ARB2A: variants seen among roughly 807,000 people sequenced by gnomAD.
The protein encoded by ARB2A is cotranscriptional regulator ARB2A.
the ARB2A span, among the ~76,000 whole-genome samples, chr5:94,047,056 C>T: frequency 2.0e-5 from 3 of 152,178 alleles, no homozygotes; most frequent in East Asian, 3.8e-4. Context: ...GACTTTCTCT[C>T]TCCAATTCCT....
the ARB2A span, among the ~76,000 whole-genome samples, chr5:93,946,259 G>T: frequency 6.6e-6 from 1 of 151,972 alleles, no homozygotes; most frequent in African/African-American, 2.4e-5. Flanking sequence ...TGAAACCCAG[G>T]ATAATACACA....
At chr5:93,722,369 A>C in the ARB2A span, among the ~76,000 whole-genome samples, 1 of 152,062 alleles carries the variant, frequency 6.6e-6, no homozygotes, top group Admixed American at 6.6e-5. Flanking sequence ...ACCTACTCCA[A>C]CTTACTTTAT....
the ARB2A span, among the ~76,000 whole-genome samples, chr5:93,906,514 C>A: frequency 6.6e-6 from 1 of 151,304 alleles, no homozygotes; most frequent in African/African-American, 2.4e-5. Flanking sequence ...AAATGTACAG[C>A]AATTTGTAAA....
chr5:93,662,539 T>C, the ARB2A span, among the ~76,000 whole-genome samples: 1 of 152,194 alleles, frequency 6.6e-6, no homozygotes, highest in Non-Finnish European at 1.5e-5. Flanking sequence ...GTATGCTATA[T>C]ACCATACACA....
the ARB2A span, among the ~76,000 whole-genome samples, chr5:93,653,292 A>G: frequency 6.6e-6 from 1 of 151,694 alleles, no homozygotes; most frequent in African/African-American, 2.4e-5. Context: ...GTGGATCACG[A>G]GGTCAGGAGG....
the ARB2A span, among the ~76,000 whole-genome samples, chr5:93,898,358 C>G: frequency 6.6e-6 from 1 of 151,862 alleles, no homozygotes; most frequent in African/African-American, 2.4e-5. Context: ...TTTCCATTAC[C>G]CATAGCACAA....
chr5:94,048,505 A>G, the ARB2A span, among the ~76,000 whole-genome samples: 1 of 152,224 alleles, frequency 6.6e-6, no homozygotes, highest in African/African-American at 2.4e-5. Flanking sequence ...CTGCACAGTC[A>G]TGGATGCTGT....
chr5:93,757,961 A>G, the ARB2A span, among the ~76,000 whole-genome samples: 195 of 152,314 alleles, frequency 1.3e-3, no homozygotes, highest in Middle Eastern at 0.017. Context: ...CTCAGAATGG[A>G]TAAGAACTCA....
the ARB2A span, among the ~76,000 whole-genome samples, chr5:93,878,853 G>A: frequency 6.6e-6 from 1 of 151,908 alleles, no homozygotes; most frequent in Non-Finnish European, 1.5e-5. Context: ...AGAAGAAAGA[G>A]GGGAAGAATC....
the ARB2A span, among the ~76,000 whole-genome samples, chr5:93,774,293 T>C: frequency 2.0e-5 from 3 of 152,188 alleles, no homozygotes; most frequent in Non-Finnish European, 4.4e-5. Flanking sequence ...CCTTCAAGAA[T>C]TCAGATGAAA....
the ARB2A span, among the ~76,000 whole-genome samples, chr5:93,642,543 T>C: frequency 2.0e-5 from 3 of 152,142 alleles, no homozygotes; most frequent in African/African-American, 7.2e-5. Flanking sequence ...GGCTAATTTT[T>C]TGTATTTTTT....
At chr5:93,900,015 G>C in the ARB2A span, among the ~76,000 whole-genome samples, 2 of 152,054 alleles carry the variant, frequency 1.3e-5, no homozygotes, top group African/African-American at 4.8e-5. Flanking sequence ...TTACTTCAAT[G>C]AATGCTAGGT....
the ARB2A span, among the ~76,000 whole-genome samples, chr5:94,009,371 C>A: frequency 6.6e-6 from 1 of 152,002 alleles, no homozygotes; most frequent in Non-Finnish European, 1.5e-5. Flanking sequence ...AGCATTATTT[C>A]TTTGTGTGAA....
chr5:94,101,519 G>T, the ARB2A span, among the ~76,000 whole-genome samples: 1 of 152,144 alleles, frequency 6.6e-6, no homozygotes, highest in Non-Finnish European at 1.5e-5. Context: ...GTTCACAACA[G>T]TAAAGATATG....
At chr5:93,972,160 A>G in the ARB2A span, among the ~76,000 whole-genome samples, 1 of 151,986 alleles carries the variant, frequency 6.6e-6, no homozygotes, top group African/African-American at 2.4e-5. Context: ...TGGCTGGGGG[A>G]GGGTGCTTTT....
the ARB2A span, among the ~76,000 whole-genome samples, chr5:93,888,165 T>G: frequency 1.3e-5 from 2 of 151,944 alleles, no homozygotes; most frequent in Admixed American, 1.3e-4. Flanking sequence ...TTCTCTGCTA[T>G]TCACAATTTA....
chr5:93,844,287 T>C, the ARB2A span, among the ~76,000 whole-genome samples: 3 of 151,776 alleles, frequency 2.0e-5, no homozygotes, highest in Non-Finnish European at 4.4e-5. Context: ...GTACTAACAA[T>C]ACAAAAATTA....
chr5:94,039,977 G>A, the ARB2A span, among the ~76,000 whole-genome samples: 2 of 152,162 alleles, frequency 1.3e-5, no homozygotes, highest in Non-Finnish European at 1.5e-5. Context: ...TTGGGTTAGA[G>A]GCCCAACTTA....
the ARB2A span, among the ~76,000 whole-genome samples, chr5:94,078,743 A>G: frequency 6.6e-6 from 1 of 152,050 alleles, no homozygotes; most frequent in African/African-American, 2.4e-5. Context: ...GCAACATGAT[A>G]TAGTAGGTTT....
Sources: gnomAD v4.1 joint callset for allele counts (sites outside exome capture counted in the v4.1 genomes callset) on GRCh38, gnomAD v4.1.1 for gene constraint, MANE v1.5 for transcripts, NCBI Gene and HGNC (gene_info 2026-07-23, HGNC 2026-07-21) for gene names.